The following IGF1R variants were observed in gnomAD, a reference collection of about 807,000 sequenced individuals.
IGF1R encodes insulin like growth factor 1 receptor, also known as insulin-like growth factor 1 receptor.
Under a neutral mutation model 144.6 loss-of-function variants are expected in IGF1R, and 44 were observed. That is an observed-to-expected ratio of 0.30 (90% CI 0.24 to 0.39). The LOEUF (loss-of-function observed/expected upper bound fraction) is 0.39. Among genes scored for constraint, IGF1R ranks in the 10% least tolerant of loss-of-function variants. The pLI is 1.00. For synonymous variants in IGF1R, 795 were observed against 722.8 expected, an observed-to-expected ratio of 1.10 and a Z score of -1.60; for missense variants, 1,355 against 1,833.7, an observed-to-expected ratio of 0.74 and a Z score of 4.77.
intron 2 of IGF1R, among the ~76,000 whole-genome samples, chr15:98,780,562 A>G (rs1567125873): frequency 4.1e-5 from 1 of 24,172 alleles, no homozygotes; most frequent in East Asian, 8.1e-4. Context: ...AAAAAAAAAA[A>G]AAAAAAAAAA....
At chr15:98,782,444 C>A (rs1411551614) in intron 2 of IGF1R, among the ~76,000 whole-genome samples, 2 of 152,038 alleles carry the variant, frequency 1.3e-5, no homozygotes, top group Non-Finnish European at 2.9e-5. Context: ...TGAAAATACT[C>A]TCTCATTTAT....
intron 13 of IGF1R, among the ~76,000 whole-genome samples, chr15:98,925,531 G>GT (rs1444498001): frequency 6.6e-6 from 1 of 152,246 alleles, no homozygotes; most frequent in East Asian, 1.9e-4. Context: ...GCCTCACTTA[G>GT]TGGTAACACT....
At chr15:98,708,988 AC>A (rs1024483395) in intron 2 of IGF1R, among the ~76,000 whole-genome samples, 1 of 152,226 alleles carries the variant, frequency 6.6e-6, no homozygotes, top group African/African-American at 2.4e-5. Context: ...TTCCTTAAGA[AC>A]CAGGCTGTTT....
chr15:98,779,483 C>A (rs1196709865), intron 2 of IGF1R, among the ~76,000 whole-genome samples: 1 of 152,160 alleles, frequency 6.6e-6, no homozygotes, highest in Non-Finnish European at 1.5e-5. Context: ...TACTGCTATT[C>A]CCACCGTACA....
At chr15:98,653,048 A>G (rs2052408621) in intron 1 of IGF1R, among the ~76,000 whole-genome samples, 1 of 150,096 alleles carries the variant, frequency 6.7e-6, no homozygotes, top group African/African-American at 2.5e-5. Context: ...CTCTCTTTTC[A>G]TTTATGAGTT....
chr15:98,743,181 G>A (rs2054787113), intron 2 of IGF1R, among the ~76,000 whole-genome samples: 1 of 152,120 alleles, frequency 6.6e-6, no homozygotes, highest in Non-Finnish European at 1.5e-5. Context: ...TAAACATACG[G>A]GAAGTAAGAC....
chr15:98,922,812 C>G lies in IGF1R; in HGVS notation c.2485+381C>G, dbSNP rs187199979. ...TCCAGAGATGTCTCCAGTTAGTTGCCTTGATCCAGAGTAAACATTGCCCCT... is the reference window on the plus strand; with the variant it reads ...TCCAGAGATGTCTCCAGTTAGTTGCGTTGATCCAGAGTAAACATTGCCCCT... On this transcript the variant is annotated intron_variant, in intron 11 of 20. Coordinates refer to ENST00000650285, the MANE Select transcript of IGF1R (RefSeq NM_000875.5). Among the ~76,000 whole-genome samples the G allele has an allele frequency of 1.1e-3, 170 of 152,374 alleles. 1 individual carries two copies. The highest frequency in any genetic ancestry group is 3.9e-3 in the African/African-American group (161 of 41,588).
In IGF1R at chr15:98,712,029, A is replaced by G. The variant is rs144111482; in HGVS notation, c.640+3922A>G. Reference sequence around the variant, plus strand: ...TGTGAGGGCTCCACCCTCATGGCCTAATCACCTCCCAGAGCCATCATACTG... The same window carrying G: ...TGTGAGGGCTCCACCCTCATGGCCTGATCACCTCCCAGAGCCATCATACTG... On this transcript the variant is annotated intron_variant, in intron 2 of 20. Transcript: ENST00000650285. Among the ~76,000 whole-genome samples the G allele has an allele frequency of 2.6e-5, 4 of 152,252 alleles. No homozygotes were observed. In the East Asian group the frequency reaches 7.7e-4, roughly 29 times the overall value.
At chr15:98,875,349 C>CTTT (rs34303390) in intron 2 of IGF1R, among the ~76,000 whole-genome samples, 8,016 of 130,054 alleles carry the variant, frequency 0.062, 242 homozygotes, top group Middle Eastern at 0.13. Flanking sequence ...CTTTTCTTTT[C>CTTT]TTTTTTTTTT....
At chr15:98,650,461 C>T (rs576618588) in intron 1 of IGF1R, among the ~76,000 whole-genome samples, 10 of 152,228 alleles carry the variant, frequency 6.6e-5, no homozygotes, top group Non-Finnish European at 1.0e-4. Flanking sequence ...CGGGGAGCGC[C>T]ACTGGGTCCC....
chr15:98,684,681 C>T (rs1397513777), intron 1 of IGF1R, among the ~76,000 whole-genome samples: 1 of 152,028 alleles, frequency 6.6e-6, no homozygotes, highest in Non-Finnish European at 1.5e-5. Context: ...AAAATTTGGC[C>T]ACTGGGTTGC....
intron 1 of IGF1R, chr15:98,660,160 C>T (rs531666030): frequency 6.6e-6 from 1 of 152,332 alleles, no homozygotes; most frequent in South Asian, 2.1e-4. Context: ...GAGAGAACTT[C>T]AGCCTCCCTT....
rs142904420 is a variant in IGF1R at position 98,905,924 on chromosome 15, C to G, written c.1248-2761C>G. Among the ~76,000 whole-genome samples, 486 of 152,272 alleles carry G rather than the reference C, an allele frequency of 3.2e-3. 2 individuals are homozygous for G. Among genetic ancestry groups the G allele is most frequent in the African/African-American group, 0.011 (465 of 41,548 alleles). Reference sequence around the variant, plus strand: ...TTGCCCCAAGCTGTGGCTCGAAAAACAAGCATGGTATTGACAGGCAGCTCA... The same window carrying G: ...TTGCCCCAAGCTGTGGCTCGAAAAAGAAGCATGGTATTGACAGGCAGCTCA... On this transcript the variant is annotated intron_variant, in intron 5 of 20. Transcript: ENST00000650285.
At chr15:98,748,821 A>G (rs1417248827) in intron 2 of IGF1R, among the ~76,000 whole-genome samples, 1 of 152,216 alleles carries the variant, frequency 6.6e-6, no homozygotes, top group Non-Finnish European at 1.5e-5. Flanking sequence ...TTCTTGAGCC[A>G]TTCTTGCTCT....
At chr15:98,918,534 G>T (rs1018832081) in intron 10 of IGF1R, among the ~76,000 whole-genome samples, 1 of 152,082 alleles carries the variant, frequency 6.6e-6, no homozygotes. Flanking sequence ...TTGAGAGTGC[G>T]CCTCTTCATT....
chr15:98,892,527 CA>C (rs368474118), intron 3 of IGF1R, among the ~76,000 whole-genome samples: 4,263 of 75,286 alleles, frequency 0.057, 42 homozygotes, highest in African/African-American at 0.14. Flanking sequence ...ACTCTGTCTC[CA>C]AAAAAAAAAA....
At chr15:98,770,353 GA>G (rs2141370835) in intron 2 of IGF1R, among the ~76,000 whole-genome samples, 1 of 152,358 alleles carries the variant, frequency 6.6e-6, no homozygotes, top group African/African-American at 2.4e-5. Flanking sequence ...GGGCGATGAA[GA>G]GGGGTAGAGA....
At chr15:98,651,727 T>A (rs1316413159) in intron 1 of IGF1R, among the ~76,000 whole-genome samples, 3 of 152,210 alleles carry the variant, frequency 2.0e-5, no homozygotes, top group Non-Finnish European at 4.4e-5. Context: ...TTTTAATGTA[T>A]GTTTTTACTC....
chr15:98,654,481 G>A (rs2052441007), intron 1 of IGF1R, among the ~76,000 whole-genome samples: 1 of 152,084 alleles, frequency 6.6e-6, no homozygotes, highest in Non-Finnish European at 1.5e-5. Context: ...TAATTTCAGG[G>A]CATTTTATAA....
Sources: gnomAD v4.1 joint callset for allele counts (sites outside exome capture counted in the v4.1 genomes callset) on GRCh38, gnomAD v4.1.1 for gene constraint, MANE v1.5 for transcripts, NCBI Gene and HGNC (gene_info 2026-07-23, HGNC 2026-07-21) for gene names.